Variants in HMCN1 observed in about 807,000 individuals in gnomAD.
HMCN1 encodes the protein hemicentin-1.
Under a neutral mutation model 625.9 loss-of-function variants are expected in HMCN1, and 321 were observed. The ratio of observed to expected loss-of-function variants is 0.51; its 90% CI spans 0.47 to 0.56. The LOEUF is 0.56. Among genes scored for constraint, HMCN1 ranks in the 20% least tolerant of loss-of-function variants. The pLI is 0.00. For synonymous variants in HMCN1, 2,425 were observed against 2,417.6 expected (o/e 1.00, Z -0.09); for missense variants, 6,588 against 6,887.3 (o/e 0.96, Z 1.54).
intron 48 of HMCN1, among the ~76,000 whole-genome samples, chr1:186,064,626 G>A (rs1412920496): frequency 2.0e-5 from 3 of 151,740 alleles, no homozygotes; most frequent in African/African-American, 7.3e-5. Context: ...TGGCTAACAC[G>A]GTGAAACCCC....
At chr1:186,085,256 A>C (rs1299798812) in intron 57 of HMCN1, among the ~76,000 whole-genome samples, 1 of 152,152 alleles carries the variant, frequency 6.6e-6, no homozygotes, top group Non-Finnish European at 1.5e-5. Context: ...ACACGACCAG[A>C]GACTGTGTGG....
chr1:185,800,521 T>A (rs1658723742), intron 1 of HMCN1, among the ~76,000 whole-genome samples: 1 of 152,128 alleles, frequency 6.6e-6, no homozygotes, highest in African/African-American at 2.4e-5. Flanking sequence ...TTATATTTTA[T>A]ATAATATTTT....
At chr1:186,096,262 T>C (rs548534839) in intron 68 of HMCN1, among the ~76,000 whole-genome samples, 107 of 152,150 alleles carry the variant, frequency 7.0e-4, no homozygotes, top group Non-Finnish European at 1.3e-3. Context: ...TGTGTTATAA[T>C]CCTTCTCAGA....
chr1:186,093,617 C>T lies in HMCN1; in HGVS notation c.10144C>T (p.Pro3382Ser), dbSNP rs535953685. The T allele has an allele frequency of 1.2e-6, 2 of 1,613,452 alleles. No individual in the cohort carries two copies. Among genetic ancestry groups the T allele is most frequent in the African/African-American group, 2.7e-5 (2 of 74,998 alleles). Residue 3382 changes from proline (P) to serine (S), a missense_variant, in exon 66 of 107, where the codon CCT becomes TCT. Around this residue, in one of 3 missense-constraint regions of HMCN1, gnomAD observed 4,628 missense variants for 4,853.1 expected, o/e 0.95. Transcript: ENST00000271588. ...PQINWLKNGL[P>S]LPLSSHIRLL... ...GATAAACTGGCTGAAGAATGGACTT[C>T]CTCTGCCTCTCTCCTCCCATATCCG...
intron 68 of HMCN1, among the ~76,000 whole-genome samples, chr1:186,099,776 T>C (rs557462725): frequency 1.3e-5 from 2 of 152,218 alleles, no homozygotes; most frequent in South Asian, 4.1e-4. Flanking sequence ...ACAATTTGAA[T>C]TGTCAATTTG....
intron 1 of HMCN1, among the ~76,000 whole-genome samples, chr1:185,808,720 G>A (rs554672469): frequency 3.9e-4 from 59 of 152,264 alleles, no homozygotes; most frequent in African/African-American, 1.4e-3. Flanking sequence ...GTCCTTCAAA[G>A]TGTATTCTAC....
chr1:186,032,110 A>T (rs904744294), intron 36 of HMCN1, among the ~76,000 whole-genome samples: 1 of 152,198 alleles, frequency 6.6e-6, no homozygotes, highest in South Asian at 2.1e-4. Flanking sequence ...AGAAATAATC[A>T]GCAGAGTTAA....
intron 32 of HMCN1, among the ~76,000 whole-genome samples, chr1:186,016,688 C>T (rs1558146678): frequency 6.6e-6 from 1 of 152,008 alleles, no homozygotes; most frequent in East Asian, 1.9e-4. Context: ...TGAAAATAAA[C>T]AATATAAAAT....
At chr1:186,088,040 T>C (rs1659620384) in intron 61 of HMCN1, 27 bp downstream of exon 61, 3 of 1,611,756 alleles carry the variant, frequency 1.9e-6, no homozygotes, top group Non-Finnish European at 2.5e-6. Context: ...AATACAACTC[T>C]TTTTCCCCTA....
chr1:186,145,169 C>T lies in HMCN1; in HGVS notation c.14267-234C>T, dbSNP rs544810148. Among the ~76,000 whole-genome samples the T allele has an allele frequency of 3.3e-5, 5 of 152,374 alleles. No individual in the cohort carries two copies. The South Asian group carries it at 8.3e-4, about 25-fold the overall frequency. On this transcript the variant is annotated intron_variant, in intron 91 of 106. Coordinates refer to ENST00000271588, the MANE Select transcript of HMCN1 (RefSeq NM_031935.3). The stretch of plus-strand genomic sequence containing the variant: ...CTCCAGCTCCTGGAATATTTTAAGA[C>T]TCAATAAATGTATGTTAAATTGAAT...
chr1:186,074,388 G>A (rs961484573), intron 52 of HMCN1, among the ~76,000 whole-genome samples: 8 of 144,686 alleles, frequency 5.5e-5, no homozygotes, highest in Non-Finnish European at 1.2e-4. Flanking sequence ...ATAAAAGACT[G>A]CTTTTTAAAT....
In HMCN1 at chr1:186,091,042, A is replaced by C. The variant is rs1222026795; in HGVS notation, c.9887+125A>C. On this transcript the variant is annotated intron_variant, in intron 64 of 106. Transcript: ENST00000271588. ...TTGGAACTTAGCTATCATTATATTCACAAAGAAACAAAAAACTTTTTTTTG... is the reference window on the plus strand; with the variant it reads ...TTGGAACTTAGCTATCATTATATTCCCAAAGAAACAAAAAACTTTTTTTTG... 4.4e-6 allele frequency: 5 copies of C among 1,138,254 alleles called. No individual in the cohort carries two copies. The Admixed American group carries it at 1.1e-4, about 26-fold the overall frequency. The allele number at this position is 1,138,254 out of a possible 1,614,324, so 70.5% of individuals were successfully genotyped here.
At chr1:186,119,595 C>A in intron 78 of HMCN1, 150 bp from the exon 79 acceptor site, 1 of 803,428 alleles carries the variant, frequency 1.2e-6, no homozygotes, top group Non-Finnish European at 2.0e-6. Flanking sequence ...TCAAAGAATG[C>A]AGTGTGGCCA....
At position 185,734,726 on chromosome 1, in the gene HMCN1, A is replaced by T; in HGVS notation, c.-54A>T. The stretch of plus-strand genomic sequence containing the variant: ...AACCCTCTGCCTGTTGTTGAGGAGG[A>T]CTGAGCACAGTGCTTAGGCGCTGAG... On this transcript the variant is annotated 5_prime_UTR_variant, in exon 1 of 107. Coordinates refer to ENST00000271588, the MANE Select transcript of HMCN1 (RefSeq NM_031935.3). The T allele has an allele frequency of 1.9e-6, 3 of 1,568,392 alleles. No homozygotes were observed. Among genetic ancestry groups the T allele is most frequent in the Non-Finnish European group, 2.6e-6 (3 of 1,140,526 alleles).
chr1:185,922,947 A>G (rs6700260), intron 7 of HMCN1, among the ~76,000 whole-genome samples: 14 of 152,202 alleles, frequency 9.2e-5, no homozygotes, highest in African/African-American at 3.4e-4. Flanking sequence ...TATTTCAAAG[A>G]TAAAATTATT....
In HMCN1 at chr1:185,923,438, C is replaced by A. The variant is rs758390967; in HGVS notation, c.1070C>A (p.Ala357Asp). ...AATACTTCTGGAATTTCCACTCCAG[C>A]TAGAATAGATCTTCTTGAACTTTTG... ...LLNTSGISTP[A>D]RIDLLELLSI... is the part of the protein sequence containing the mutation. The change falls in exon 8 of 107, where the codon GCT (alanine) becomes GAT (aspartate). Residue 357 changes from alanine (A) to aspartate (D), a missense_variant. By Grantham distance (126) the Ala-to-Asp change is moderately radical. Around this residue, in one of 3 missense-constraint regions of HMCN1, gnomAD observed 4,628 missense variants for 4,853.1 expected, o/e 0.95. Coordinates refer to ENST00000271588, the MANE Select transcript of HMCN1 (RefSeq NM_031935.3). 1.3e-5 allele frequency: 21 copies of A among 1,610,150 alleles called. No individual in the cohort carries two copies. Among genetic ancestry groups the A allele is most frequent in the Non-Finnish European group, 9.3e-6 (11 of 1,176,810 alleles).
At chr1:186,063,592 GC>G (rs1419178341) in intron 48 of HMCN1, among the ~76,000 whole-genome samples, 4 of 151,794 alleles carry the variant, frequency 2.6e-5, no homozygotes, top group Admixed American at 6.6e-5. Context: ...TGTTTATCTT[GC>G]CCTACCTTTT....
chr1:185,738,648 G>A (rs1038168139), intron 1 of HMCN1, among the ~76,000 whole-genome samples: 2 of 152,166 alleles, frequency 1.3e-5, no homozygotes, highest in African/African-American at 4.8e-5. Flanking sequence ...GTTTTCCAAA[G>A]CAGCTGTACC....
chr1:185,879,619 T>C (rs940964687), intron 4 of HMCN1, among the ~76,000 whole-genome samples: 2 of 152,218 alleles, frequency 1.3e-5, no homozygotes, highest in Non-Finnish European at 2.9e-5. Context: ...GGATTCAATA[T>C]TGAGCAAAAG....
Sources: gnomAD v4.1 joint callset for allele counts (sites outside exome capture counted in the v4.1 genomes callset) on GRCh38, gnomAD v4.1.1 for gene constraint, gnomAD v4.1.1 regional missense constraint, MANE v1.5 for transcripts, NCBI Gene and HGNC (gene_info 2026-07-23, HGNC 2026-07-21) for gene names.